Variants in CNTLN observed in about 807,000 individuals in gnomAD.
CNTLN encodes centlein.
CNTLN carries 212 observed loss-of-function variants against 180.0 expected under a neutral mutation model. That is an observed-to-expected ratio of 1.18 (90% CI 1.05 to 1.32). The LOEUF is 1.32. Among genes scored for constraint, CNTLN ranks in the 40% most tolerant of loss-of-function variants. The pLI, the probability that CNTLN is intolerant of heterozygous loss-of-function variation, is 0.00. For missense variants in CNTLN, 2,095 were observed against 1,610.9 expected (o/e 1.30, Z -5.14); for synonymous variants, 722 against 563.1 (o/e 1.28, Z -3.99).
intron 22 of CNTLN, 152 bp from the exon 23 acceptor site, chr9:17,466,554 T>C: frequency 1.6e-6 from 1 of 619,448 alleles, no homozygotes; most frequent in Non-Finnish European, 2.7e-6. Context: ...GGATGTTTTA[T>C]TGAAAGTTAA....
At chr9:17,368,528 G>C (rs1462641881) in intron 13 of CNTLN, among the ~76,000 whole-genome samples, 1 of 152,198 alleles carries the variant, frequency 6.6e-6, no homozygotes, top group African/African-American at 2.4e-5. Flanking sequence ...AGTGGTTACA[G>C]TGGGCCTTGG....
At chr9:17,464,799 C>G (rs1031227520) in intron 21 of CNTLN, among the ~76,000 whole-genome samples, 176 bp downstream of exon 21, 1 of 151,048 alleles carries the variant, frequency 6.6e-6, no homozygotes, top group African/African-American at 2.4e-5. Flanking sequence ...AAATTCAATT[C>G]TCTAAAACCT....
At chr9:17,150,959 G>C (rs1818827400) in intron 2 of CNTLN, among the ~76,000 whole-genome samples, 3 of 152,106 alleles carry the variant, frequency 2.0e-5, no homozygotes, top group Admixed American at 2.0e-4. Context: ...TCTGTTATTG[G>C]TGTATAGGAA....
intron 7 of CNTLN, chr9:17,298,647 T>A: frequency 9.7e-7 from 1 of 1,036,058 alleles, no homozygotes; most frequent in Non-Finnish European, 1.2e-6. Flanking sequence ...AGGAGTATAG[T>A]CTCAAAACTG....
intron 2 of CNTLN, among the ~76,000 whole-genome samples, chr9:17,215,160 T>G (rs1322098274): frequency 2.6e-5 from 4 of 152,242 alleles, no homozygotes; most frequent in Non-Finnish European, 5.9e-5. Context: ...TTTTCTGCTC[T>G]GTTTTTTCCC....
At chr9:17,302,266 G>T (rs557153212) in intron 7 of CNTLN, among the ~76,000 whole-genome samples, 3 of 150,736 alleles carry the variant, frequency 2.0e-5, no homozygotes, top group South Asian at 4.2e-4. Context: ...GCACGATCTC[G>T]ACTCACTGCA....
intron 25 of CNTLN, among the ~76,000 whole-genome samples, chr9:17,495,544 G>A (rs533657989): frequency 6.6e-6 from 1 of 152,238 alleles, no homozygotes; most frequent in South Asian, 2.1e-4. Flanking sequence ...GTATGTTTAT[G>A]TTTTAAGCTA....
intron 15 of CNTLN, among the ~76,000 whole-genome samples, chr9:17,405,772 G>C (rs916734262): frequency 7.3e-5 from 11 of 151,452 alleles, no homozygotes; most frequent in Non-Finnish European, 1.6e-4. Context: ...CCTCACTTCT[G>C]AATTTTATTT....
At chr9:17,135,892 CCAGT>C (rs1343986165) in intron 1 of CNTLN, among the ~76,000 whole-genome samples, 2 of 152,154 alleles carry the variant, frequency 1.3e-5, no homozygotes, top group African/African-American at 4.8e-5. Flanking sequence ...TTGTTTTTAC[CCAGT>C]CAAACTTAAG....
chr9:17,527,752 G>A, the CNTLN span, among the ~76,000 whole-genome samples: 1 of 152,052 alleles, frequency 6.6e-6, no homozygotes, highest in Non-Finnish European at 1.5e-5. Context: ...TGGGAGAAAT[G>A]GCTGATTCTG....
At chr9:17,170,086 GT>G (rs1410970870) in intron 2 of CNTLN, among the ~76,000 whole-genome samples, 1 of 151,966 alleles carries the variant, frequency 6.6e-6, no homozygotes, top group African/African-American at 2.4e-5. Context: ...ATAGTTTTCA[GT>G]TATAGATCTT....
chr9:17,305,473 G>A (rs1476230843), intron 7 of CNTLN, among the ~76,000 whole-genome samples: 1 of 151,336 alleles, frequency 6.6e-6, no homozygotes, highest in Non-Finnish European at 1.5e-5. Flanking sequence ...CTAAAGCAAT[G>A]CAGATGAATG....
At chr9:17,278,117 C>G (rs1277916969) in intron 6 of CNTLN, among the ~76,000 whole-genome samples, 2 of 152,010 alleles carry the variant, frequency 1.3e-5, no homozygotes, top group Non-Finnish European at 2.9e-5. Context: ...AAATAAATAT[C>G]CGGACCTCTT....
chr9:17,218,447 A>G (rs1823912554), intron 2 of CNTLN, among the ~76,000 whole-genome samples: 1 of 152,100 alleles, frequency 6.6e-6, no homozygotes, highest in Non-Finnish European at 1.5e-5. Flanking sequence ...TATAGATGCC[A>G]TTCCAGTAAT....
chr9:17,166,888 A>T, intron 2 of CNTLN: 1 of 461,120 alleles, frequency 2.2e-6, no homozygotes, highest in Admixed American at 2.5e-5. Context: ...GGGATTGAGA[A>T]AATGTGAGAT....
At chr9:17,508,277 A>C (rs1833968312), downstream of CNTLN, among the ~76,000 whole-genome samples, 1 of 152,338 alleles carries the variant, frequency 6.6e-6, no homozygotes, top group Non-Finnish European at 1.5e-5. Context: ...AACATTCACA[A>C]GAAGTTGCAA....
intron 5 of CNTLN, among the ~76,000 whole-genome samples, chr9:17,262,484 C>G (rs1827068515): frequency 6.6e-6 from 1 of 151,376 alleles, no homozygotes; most frequent in Admixed American, 6.6e-5. Flanking sequence ...AACAGAAAAC[C>G]AGCACTGCAT....
intron 24 of CNTLN, 58 bp downstream of exon 24, chr9:17,484,538 A>G: frequency 7.4e-7 from 1 of 1,359,192 alleles, no homozygotes; most frequent in Non-Finnish European, 1.0e-6. Context: ...ACTTAAGTAG[A>G]TATTTTTATT....
intron 5 of CNTLN, among the ~76,000 whole-genome samples, chr9:17,253,022 A>G (rs145700279): frequency 1.3e-5 from 2 of 151,462 alleles, no homozygotes; most frequent in Admixed American, 1.3e-4. Flanking sequence ...AAGAGGCGCT[A>G]TCCTATTCTA....
Sources: gnomAD v4.1 joint callset for allele counts (sites outside exome capture counted in the v4.1 genomes callset) on GRCh38, gnomAD v4.1.1 for gene constraint, MANE v1.5 for transcripts, NCBI Gene and HGNC (gene_info 2026-07-23, HGNC 2026-07-21) for gene names.